The following KCNIP4 variants were observed in gnomAD, a reference collection of about 807,000 sequenced individuals.
KCNIP4 encodes Kv channel-interacting protein 4.
Under a neutral mutation model 34.0 loss-of-function variants are expected in KCNIP4, and 12 were observed. The ratio of observed to expected loss-of-function variants is 0.35; its 90% confidence interval spans 0.23 to 0.57. The LOEUF is 0.57. KCNIP4 is among the 20% of genes least tolerant of loss of function. KCNIP4 has a pLI of 0.83. For synonymous variants in KCNIP4, 124 were observed against 102.2 expected (o/e 1.21, Z -1.29); for missense variants, 238 against 311.7 (o/e 0.76, Z 1.78).
At chr4:21,107,501 A>G (rs1037316478) in intron 1 of KCNIP4, among the ~76,000 whole-genome samples, 3 of 150,742 alleles carry the variant, frequency 2.0e-5, no homozygotes, top group East Asian at 1.9e-4. Flanking sequence ...GTCTCTGCAC[A>G]TGAGATGGGT....
chr4:21,728,911 T>C (rs1715392795), intron 1 of KCNIP4, among the ~76,000 whole-genome samples: 1 of 152,160 alleles, frequency 6.6e-6, no homozygotes. Context: ...TTCTTCTCTT[T>C]CCCTTCTTTG....
chr4:21,147,719 T>A (rs1408714967), intron 1 of KCNIP4, among the ~76,000 whole-genome samples: 3 of 151,906 alleles, frequency 2.0e-5, no homozygotes, highest in East Asian at 3.9e-4. Flanking sequence ...TGGGTGGATC[T>A]CTTTAGGTTA....
At chr4:21,524,298 T>A (rs1735790350) in intron 1 of KCNIP4, among the ~76,000 whole-genome samples, 1 of 152,168 alleles carries the variant, frequency 6.6e-6, no homozygotes, top group Non-Finnish European at 1.5e-5. Context: ...AAACAGATGT[T>A]TTGGCTTCCA....
chr4:21,001,720 T>C (rs1321625145), intron 1 of KCNIP4, among the ~76,000 whole-genome samples: 2 of 152,192 alleles, frequency 1.3e-5, no homozygotes, highest in Non-Finnish European at 2.9e-5. Flanking sequence ...ACAAGGACTC[T>C]GTTAGGTGTA....
intron 1 of KCNIP4, among the ~76,000 whole-genome samples, chr4:21,130,586 G>A (rs1468227005): frequency 6.6e-6 from 1 of 152,120 alleles, no homozygotes; most frequent in Non-Finnish European, 1.5e-5. Context: ...TATTCATAGT[G>A]CCTAGAATTG....
intron 1 of KCNIP4, among the ~76,000 whole-genome samples, chr4:21,274,086 C>A (rs1035205992): frequency 9.2e-5 from 14 of 152,180 alleles, no homozygotes; most frequent in African/African-American, 2.9e-4. Context: ...CAGGTAATTT[C>A]TCACTGCTTA....
chr4:21,252,174 C>T (rs533563120), intron 1 of KCNIP4, among the ~76,000 whole-genome samples: 48 of 143,628 alleles, frequency 3.3e-4, no homozygotes, highest in African/African-American at 1.1e-3. Flanking sequence ...TGTTGCCAGG[C>T]TGGAGTGCAG....
chr4:21,315,726 T>C (rs1268202341), intron 1 of KCNIP4, among the ~76,000 whole-genome samples: 1 of 152,222 alleles, frequency 6.6e-6, no homozygotes, highest in Non-Finnish European at 1.5e-5. Flanking sequence ...GTCTGATTTA[T>C]GGCATCCACT....
At chr4:21,457,244 C>T (rs1022143664) in intron 1 of KCNIP4, among the ~76,000 whole-genome samples, 4 of 152,064 alleles carry the variant, frequency 2.6e-5, no homozygotes, top group Admixed American at 6.6e-5. Context: ...TCCGGGACCG[C>T]CCCTAACAGC....
At chr4:21,301,915 G>C (rs1327598071) in intron 1 of KCNIP4, among the ~76,000 whole-genome samples, 2 of 152,062 alleles carry the variant, frequency 1.3e-5, no homozygotes, top group Non-Finnish European at 2.9e-5. Flanking sequence ...AAACACTATT[G>C]CTTTCTATCT....
chr4:21,841,162 T>G (rs185426137), intron 1 of KCNIP4, among the ~76,000 whole-genome samples: 1 of 152,310 alleles, frequency 6.6e-6, no homozygotes, highest in East Asian at 1.9e-4. Flanking sequence ...CTGAGGCATG[T>G]TCTTTCTTAC....
chr4:21,224,578 GTTT>G (rs765906146), intron 1 of KCNIP4, among the ~76,000 whole-genome samples: 1 of 44,880 alleles, frequency 2.2e-5, no homozygotes, highest in African/African-American at 1.0e-4. Flanking sequence ...TTTTTCAACT[GTTT>G]TTTTTTTTTT....
At chr4:21,369,367 A>C (rs547066653) in intron 1 of KCNIP4, among the ~76,000 whole-genome samples, 1 of 147,396 alleles carries the variant, frequency 6.8e-6, no homozygotes, top group African/African-American at 2.7e-5. Context: ...TTTAGTAGGG[A>C]CTTTACACAA....
chr4:20,962,958 G>C (rs981629733), intron 1 of KCNIP4, among the ~76,000 whole-genome samples: 1 of 152,094 alleles, frequency 6.6e-6, no homozygotes, highest in East Asian at 1.9e-4. Context: ...TTCTCTAACC[G>C]TCACTTTGTC....
rs771589915 is a variant in KCNIP4, at chr4:21,948,683, G to C, written c.-52C>G. 1 of 1,593,378 alleles carries C rather than the reference G, an allele frequency of 6.3e-7. No individual in the cohort carries two copies. Among genetic ancestry groups the C allele is most frequent in the East Asian group, 2.3e-5 (1 of 44,190 alleles). On this transcript the variant is annotated 5_prime_UTR_variant, in exon 1 of 9. Transcript: ENST00000382152. Reference sequence around the variant, plus strand: ...AGACTCGAGAGTCCACCGGCCAGGGGCGTCTGTCCACGGGTCTGCACGGGA... The same window carrying C: ...AGACTCGAGAGTCCACCGGCCAGGGCCGTCTGTCCACGGGTCTGCACGGGA...
intron 1 of KCNIP4, among the ~76,000 whole-genome samples, chr4:21,803,971 A>G (rs767699785): frequency 2.0e-5 from 3 of 152,226 alleles, no homozygotes; most frequent in Non-Finnish European, 2.9e-5. Context: ...GGCTCATTGC[A>G]ACAAGGGAGA....
chr4:21,337,960 C>G (rs1220564276), intron 1 of KCNIP4, among the ~76,000 whole-genome samples: 2 of 152,134 alleles, frequency 1.3e-5, no homozygotes, highest in Admixed American at 6.5e-5. Flanking sequence ...CAGAGGCGGG[C>G]TGCTGAAGAC....
chr4:21,380,799 C>T (rs745361531), intron 1 of KCNIP4, among the ~76,000 whole-genome samples: 4 of 151,744 alleles, frequency 2.6e-5, no homozygotes, highest in Non-Finnish European at 4.4e-5. Context: ...GTTCCAATAC[C>T]TTTCCCCACT....
intron 1 of KCNIP4, among the ~76,000 whole-genome samples, chr4:21,238,164 T>G (rs1305987551): frequency 1.6e-4 from 25 of 152,254 alleles, no homozygotes; most frequent in African/African-American, 5.1e-4. Context: ...AAAAGGCCTT[T>G]GATAAAATTC....
Sources: gnomAD v4.1 joint callset for allele counts (sites outside exome capture counted in the v4.1 genomes callset) on GRCh38, gnomAD v4.1.1 for gene constraint, MANE v1.5 for transcripts, NCBI Gene and HGNC (gene_info 2026-07-23, HGNC 2026-07-21) for gene names.